Variants in GLI2 observed in about 807,000 individuals in gnomAD.
The protein encoded by GLI2 is transcription activator GLI2.
A neutral mutation model predicts 78.9 loss-of-function variants in GLI2; 22 were observed. That is an observed-to-expected ratio of 0.28 (90% CI 0.20 to 0.40). GLI2 has a LOEUF of 0.40. Ranked by LOEUF, GLI2 falls within the 10% of genes least tolerant of loss-of-function variation. The pLI is 1.00. For synonymous variants in GLI2, 974 were observed against 963.7 expected (o/e 1.01, Z -0.20); for missense variants, 2,097 against 2,213.2 (o/e 0.95, Z 1.05).
intron 1 of GLI2, among the ~76,000 whole-genome samples, chr2:120,765,881 G>A (rs1683351840): frequency 6.6e-6 from 1 of 152,226 alleles, no homozygotes; most frequent in Non-Finnish European, 1.5e-5. Context: ...AGGAGACTCA[G>A]GGAATGAGAT....
intron 1 of GLI2, among the ~76,000 whole-genome samples, chr2:120,790,322 CACTG>C (rs1034845654): frequency 1.3e-5 from 2 of 152,182 alleles, no homozygotes; most frequent in South Asian, 4.1e-4. Flanking sequence ...GCATCCCCCT[CACTG>C]TCTGTGGGAA....
intron 2 of GLI2, among the ~76,000 whole-genome samples, chr2:120,830,730 G>T (rs1686318620): frequency 6.6e-6 from 1 of 152,136 alleles, no homozygotes; most frequent in African/African-American, 2.4e-5. Flanking sequence ...GGCTGGACCT[G>T]TGAGACTCCC....
At chr2:120,862,083 G>C (rs141074096) in intron 2 of GLI2, among the ~76,000 whole-genome samples, 312 of 152,310 alleles carry the variant, frequency 2.0e-3, no homozygotes, top group African/African-American at 7.1e-3. Flanking sequence ...CTTCCTGCAA[G>C]AAACAACTAA....
intron 3 of GLI2, among the ~76,000 whole-genome samples, chr2:120,949,573 G>C (rs1187032468): frequency 6.6e-6 from 1 of 152,216 alleles, no homozygotes; most frequent in Admixed American, 6.5e-5. Flanking sequence ...GGGGCTTCAG[G>C]GAGGGTGCCA....
At chr2:120,779,866 G>A (rs748154809) in intron 1 of GLI2, among the ~76,000 whole-genome samples, 6 of 152,168 alleles carry the variant, frequency 3.9e-5, no homozygotes, top group Non-Finnish European at 5.9e-5. Flanking sequence ...TTCCCAGCCC[G>A]GGAGAGTGCA....
chr2:120,765,204 T>C (rs1433700080), intron 1 of GLI2, among the ~76,000 whole-genome samples: 3 of 152,154 alleles, frequency 2.0e-5, no homozygotes, highest in Admixed American at 1.3e-4. Flanking sequence ...GCCTCTCTCA[T>C]GTGCCCTCAG....
chr2:120,947,769 G>A (rs192745096), intron 3 of GLI2, among the ~76,000 whole-genome samples: 2 of 152,340 alleles, frequency 1.3e-5, no homozygotes, highest in East Asian at 3.9e-4. Flanking sequence ...GGATTAGGAA[G>A]CCAGTGCCCT....
chr2:120,748,951 TCCATCCATCCATCCTTCCAC>T (rs1468713567), intron 1 of GLI2, among the ~76,000 whole-genome samples: 4 of 152,066 alleles, frequency 2.6e-5, no homozygotes, highest in African/African-American at 9.7e-5. Flanking sequence ...TACCCATCCA[TCCATCCATCCATCCTTCCAC>T]CCATCCATCC....
chr2:120,955,463 G>A lies in GLI2; in HGVS notation c.643+33G>A, dbSNP rs1427935161. 7.2e-6 allele frequency: 10 copies of A among 1,385,320 alleles called. No homozygotes were observed. In the Admixed American group the frequency reaches 1.1e-4, roughly 15 times the overall value. 85.8% of individuals were successfully genotyped at this position (1,385,320 alleles called of 1,614,324 possible). A position where few individuals can be genotyped will look rare whatever the true frequency, so the allele number is the denominator to read the frequency against. ...CTGGCCCCCAGGGGCTGAGGATGGG[G>A]CTAGCAGATCTCCTCTTGAGGCTGA... is the stretch of plus-strand genomic sequence containing the variant. On this transcript the variant is annotated intron_variant, in intron 5 of 13. Transcript: ENST00000361492.
intron 1 of GLI2, among the ~76,000 whole-genome samples, chr2:120,796,707 G>A (rs1376091959): frequency 6.6e-6 from 1 of 152,228 alleles, no homozygotes; most frequent in East Asian, 1.9e-4. Flanking sequence ...CAAGGAGAAT[G>A]TAAACTCCAC....
At position 120,885,633 on chromosome 2, in the gene GLI2, C is replaced by G. The variant is rs137928103; in HGVS notation, c.149-41728C>G. ...CAGTGCCCACTCGGACACACAGGGC[C>G]CTTGAGGCAGCTGCTGGCAGCAGGA... On this transcript the variant is annotated intron_variant, in intron 2 of 13. Coordinates refer to ENST00000361492, the MANE Select transcript of GLI2 (RefSeq NM_001374353.1). Among the ~76,000 whole-genome samples the G allele has an allele frequency of 8.0e-3, 1,213 of 152,340 alleles. 11 individuals carry two copies. Among genetic ancestry groups the G allele is most frequent in the Admixed American group, 0.012 (190 of 15,306 alleles).
intron 2 of GLI2, among the ~76,000 whole-genome samples, chr2:120,871,610 T>C (rs1199841254): frequency 6.6e-6 from 1 of 152,238 alleles, no homozygotes; most frequent in Non-Finnish European, 1.5e-5. Context: ...GGACGTCTTT[T>C]GTTCCTGTTA....
intron 2 of GLI2, among the ~76,000 whole-genome samples, chr2:120,837,010 C>G (rs1394229761): frequency 6.6e-6 from 1 of 152,172 alleles, no homozygotes; most frequent in Non-Finnish European, 1.5e-5. Flanking sequence ...GGCTGCTTCT[C>G]CCTGATTTGC....
intron 2 of GLI2, among the ~76,000 whole-genome samples, chr2:120,876,394 G>A (rs1335948617): frequency 6.6e-6 from 1 of 152,104 alleles, no homozygotes; most frequent in African/African-American, 2.4e-5. Flanking sequence ...ATCAGGAGCT[G>A]AATTTCTTAA....
chr2:120,863,183 G>A (rs1687978726), intron 2 of GLI2, among the ~76,000 whole-genome samples: 2 of 152,246 alleles, frequency 1.3e-5, no homozygotes, highest in Non-Finnish European at 2.9e-5. Context: ...ATTAACAGGA[G>A]TTTCTGGGAG....
At chr2:120,944,909 C>G (rs1197619206) in intron 3 of GLI2, among the ~76,000 whole-genome samples, 1 of 152,266 alleles carries the variant, frequency 6.6e-6, no homozygotes, top group Admixed American at 6.5e-5. Flanking sequence ...ACAGAGTTAA[C>G]ACAGCAGCCA....
At chr2:120,949,449 G>T (rs886507899) in intron 3 of GLI2, among the ~76,000 whole-genome samples, 1 of 152,210 alleles carries the variant, frequency 6.6e-6, no homozygotes, top group Admixed American at 6.5e-5. Flanking sequence ...GAAGAGCCTC[G>T]GACATGCCCT....
chr2:120,854,548 G>A (rs1031106203), intron 2 of GLI2, among the ~76,000 whole-genome samples: 4 of 152,218 alleles, frequency 2.6e-5, no homozygotes, highest in African/African-American at 9.7e-5. Context: ...TTGGAACCCT[G>A]AGGGGCTACA....
chr2:120,794,125 G>A (rs752423443), intron 1 of GLI2, among the ~76,000 whole-genome samples: 5 of 152,164 alleles, frequency 3.3e-5, no homozygotes, highest in South Asian at 2.1e-4. Context: ...AATGTAATAC[G>A]GGGGTGTTGA....
Sources: gnomAD v4.1 joint callset for allele counts (sites outside exome capture counted in the v4.1 genomes callset) on GRCh38, gnomAD v4.1.1 for gene constraint, MANE v1.5 for transcripts, NCBI Gene and HGNC (gene_info 2026-07-23, HGNC 2026-07-21) for gene names.